The following ATP8B1 variants were observed in gnomAD, a reference collection of about 807,000 sequenced individuals.
ATP8B1 encodes the protein ATPase phospholipid transporting 8B1, also known as phospholipid-transporting ATPase IC.
Under a neutral mutation model 149.9 loss-of-function variants are expected in ATP8B1, and 80 were observed. The observed-to-expected ratio is 0.53, with a 90% CI of 0.45 to 0.64. The LOEUF (loss-of-function observed/expected upper bound fraction) is 0.64, where lower values mean the gene tolerates loss of function less well. Among genes scored for constraint, ATP8B1 ranks in the 30% least tolerant of loss-of-function variants. The pLI, the probability that ATP8B1 is intolerant of heterozygous loss-of-function variation, is 0.00. For synonymous variants in ATP8B1, 536 were observed against 562.8 expected, an observed-to-expected ratio of 0.95 and a Z score of 0.67; for missense variants, 1,247 against 1,552.6, an observed-to-expected ratio of 0.80 and a Z score of 3.31.
chr18:57,658,160 C>T (rs547488138), intron 22 of ATP8B1, among the ~76,000 whole-genome samples: 3 of 152,042 alleles, frequency 2.0e-5, no homozygotes, highest in South Asian at 4.2e-4. Context: ...GACTCTCCTG[C>T]CTCAGGCTCC....
chr18:57,725,678 CAG>C (rs1200463653), intron 2 of ATP8B1, among the ~76,000 whole-genome samples: 4 of 152,140 alleles, frequency 2.6e-5, no homozygotes. Context: ...GGCATAAAAA[CAG>C]ACACACAGAT....
At chr18:57,716,357 A>G (rs2079582886) in intron 2 of ATP8B1, among the ~76,000 whole-genome samples, 1 of 152,092 alleles carries the variant, frequency 6.6e-6, no homozygotes, top group Non-Finnish European at 1.5e-5. Context: ...TTATCAATAT[A>G]ACATCGAATG....
intron 15 of ATP8B1, among the ~76,000 whole-genome samples, chr18:57,679,306 A>G (rs1018904936): frequency 4.6e-5 from 7 of 152,182 alleles, no homozygotes; most frequent in African/African-American, 7.2e-5. Context: ...GATGGGATCA[A>G]TTGTACCCCA....
intron 2 of ATP8B1, among the ~76,000 whole-genome samples, chr18:57,718,103 TAAAAAAAAAAAAAAA>T (rs59629558): frequency 3.1e-5 from 1 of 31,798 alleles, no homozygotes; most frequent in African/African-American, 1.3e-4. Context: ...CTGGACTAAC[TAAAAAAAAAAAAAAA>T]AAAAAAAAGC....
At chr18:57,666,683 C>T (rs1033501002) in intron 20 of ATP8B1, among the ~76,000 whole-genome samples, 7 of 151,858 alleles carry the variant, frequency 4.6e-5, no homozygotes, top group South Asian at 2.1e-4. Context: ...TAACAGGCAC[C>T]GGGCACCACA....
At chr18:57,769,975 G>T (rs2080250503) in intron 1 of ATP8B1, among the ~76,000 whole-genome samples, 1 of 152,026 alleles carries the variant, frequency 6.6e-6, no homozygotes, top group East Asian at 1.9e-4. Flanking sequence ...ACTTGTCCAT[G>T]GTCTCACAAG....
intron 7 of ATP8B1, 34 bp downstream of exon 7, chr18:57,697,761 C>G: frequency 6.2e-7 from 1 of 1,612,580 alleles, no homozygotes; most frequent in Non-Finnish European, 8.5e-7. Flanking sequence ...TGGGGGAGAA[C>G]AAGGAACAAG....
chr18:57,704,311 C>T (rs1243247513), intron 4 of ATP8B1, among the ~76,000 whole-genome samples: 1 of 152,158 alleles, frequency 6.6e-6, no homozygotes, highest in Non-Finnish European at 1.5e-5. Flanking sequence ...TTTTAACACC[C>T]ATATCAGTAT....
intron 2 of ATP8B1, chr18:57,731,409 T>C: frequency 4.3e-6 from 2 of 467,884 alleles, no homozygotes; most frequent in South Asian, 2.1e-5. Flanking sequence ...GTATTTTCTC[T>C]GCAGAACTTG....
chr18:57,767,954 C>T (rs959088867), intron 1 of ATP8B1, among the ~76,000 whole-genome samples: 3 of 152,152 alleles, frequency 2.0e-5, no homozygotes, highest in Non-Finnish European at 4.4e-5. Flanking sequence ...CTCATGAAAA[C>T]ACACACACAT....
At position 57,791,346 on chromosome 18, in the gene ATP8B1, C is replaced by CTTTTT. The variant is rs1473257768; in HGVS notation, c.-26+11651_-26+11652insAAAAA. 8.3e-4 allele frequency among the ~76,000 whole-genome samples: 104 copies of CTTTTT among 124,932 alleles called. 1 individual carries two copies. The highest frequency in any genetic ancestry group is 3.3e-3 in the African/African-American group (97 of 29,498). 82.0% of individuals were successfully genotyped at this position (124,932 alleles called of 152,430 possible). Reference sequence around the variant, plus strand: ...TTCCTTCCTTTTTTCTTTTTCTTTTCTTTTCTTTTTTTTTTTTTTTTTGAG... The same window carrying CTTTTT: ...TTCCTTCCTTTTTTCTTTTTCTTTTCTTTTTTTTTCTTTTTTTTTTTTTTTTTGAG... On this transcript the variant is annotated intron_variant, in intron 1 of 27. Coordinates refer to ENST00000648908, the MANE Select transcript of ATP8B1 (RefSeq NM_001374385.1).
chr18:57,651,522 C>T (rs1909617736), intron 26 of ATP8B1, among the ~76,000 whole-genome samples: 1 of 152,186 alleles, frequency 6.6e-6, no homozygotes, highest in Non-Finnish European at 1.5e-5. Context: ...ATTTGTCTTC[C>T]TCCCATCATG....
At chr18:57,722,365 A>T (rs1332728136) in intron 2 of ATP8B1, among the ~76,000 whole-genome samples, 1 of 148,600 alleles carries the variant, frequency 6.7e-6, no homozygotes, top group Non-Finnish European at 1.5e-5. Flanking sequence ...ATTAATAAAG[A>T]AAAAAAGAGA....
At chr18:57,769,408 C>A (rs1313389246) in intron 1 of ATP8B1, among the ~76,000 whole-genome samples, 1 of 152,194 alleles carries the variant, frequency 6.6e-6, no homozygotes, top group Non-Finnish European at 1.5e-5. Flanking sequence ...CGCCTTCCCA[C>A]TCCAAACCCA....
At chr18:57,708,478 C>G (rs963544759) in intron 2 of ATP8B1, 2 of 152,160 alleles carry the variant, frequency 1.3e-5, no homozygotes, top group Non-Finnish European at 2.9e-5. Flanking sequence ...GTAGATAAGA[C>G]CTTACATAAG....
chr18:57,733,269 C>T (rs2079807692), intron 1 of ATP8B1, among the ~76,000 whole-genome samples: 1 of 152,170 alleles, frequency 6.6e-6, no homozygotes, highest in Non-Finnish European at 1.5e-5. Flanking sequence ...GCATGCCAAG[C>T]CTTGCACTAA....
chr18:57,775,935 C>T (rs530208113), intron 1 of ATP8B1, among the ~76,000 whole-genome samples: 5 of 152,234 alleles, frequency 3.3e-5, no homozygotes, highest in East Asian at 1.9e-4. Context: ...TGAGCTGCTG[C>T]GCCCAGCCTA....
Position 57,704,613 on chromosome 18 carries a change from A to G in ATP8B1, c.335T>C (p.Leu112Pro). Residue 112 changes from leucine (L) to proline (P), a missense_variant, in exon 4 of 28, where the codon CTG (leucine) becomes CCG (proline). Leu to Pro is a moderately conservative substitution (Grantham distance 98). Coordinates refer to ENST00000648908, the MANE Select transcript of ATP8B1 (RefSeq NM_001374385.1). ...GGCTGCTCTCTTAAACTGCTCAAACAGATTCATTGGTATAAAGGTAAATGC... is the reference window on the plus strand; with the variant it reads ...GGCTGCTCTCTTAAACTGCTCAAACGGATTCATTGGTATAAAGGTAAATGC... ...YNAFTFIPMN[L>P]FEQFKRAANL... is the part of the protein sequence containing the mutation. 1 of 1,612,450 alleles carries G rather than the reference A, an allele frequency of 6.2e-7. No individual in the cohort carries two copies. The highest frequency in any genetic ancestry group is 8.5e-7 in the Non-Finnish European group (1 of 1,178,476).
chr18:57,677,014 T>G (rs1230333841), intron 15 of ATP8B1, among the ~76,000 whole-genome samples: 1 of 151,970 alleles, frequency 6.6e-6, no homozygotes, highest in Non-Finnish European at 1.5e-5. Flanking sequence ...CAGTCTCTTT[T>G]AGGAAAAAAG....
Sources: gnomAD v4.1 joint callset for allele counts (sites outside exome capture counted in the v4.1 genomes callset) on GRCh38, gnomAD v4.1.1 for gene constraint, MANE v1.5 for transcripts, NCBI Gene and HGNC (gene_info 2026-07-23, HGNC 2026-07-21) for gene names.